IRAK2: variants seen among roughly 807,000 people sequenced by gnomAD.
IRAK2 encodes the protein interleukin 1 receptor associated kinase 2.
Under a neutral mutation model 72.0 loss-of-function variants are expected in IRAK2, and 57 were observed. The ratio of observed to expected loss-of-function variants is 0.79; its 90% confidence interval spans 0.64 to 0.99. The LOEUF is 0.99. Ranked by LOEUF, IRAK2 falls within the 50% of genes least tolerant of loss-of-function variation. IRAK2 has a pLI of 0.00. For synonymous variants in IRAK2, 293 were observed against 312.7 expected, an observed-to-expected ratio of 0.94 and a Z score of 0.67; for missense variants, 790 against 794.4, an observed-to-expected ratio of 0.99 and a Z score of 0.07.
chr3:10,239,789 A>G (rs906310289), intron 12 of IRAK2, among the ~76,000 whole-genome samples: 2 of 152,092 alleles, frequency 1.3e-5, no homozygotes, highest in Non-Finnish European at 2.9e-5. Context: ...TCAAGGCCCC[A>G]TGTGGTCTGT....
intron 10 of IRAK2, among the ~76,000 whole-genome samples, chr3:10,230,903 C>A (rs947873339): frequency 6.6e-6 from 1 of 152,070 alleles, no homozygotes; most frequent in East Asian, 1.9e-4. Flanking sequence ...CAGGCATGGA[C>A]CAACATGCCC....
chr3:10,180,098 C>T (rs1458205158), intron 2 of IRAK2, among the ~76,000 whole-genome samples: 3 of 152,102 alleles, frequency 2.0e-5, no homozygotes, highest in Non-Finnish European at 4.4e-5. Flanking sequence ...ACCTCCCTAC[C>T]CTGAAGGGTG....
Position 10,200,386 on chromosome 3 carries a change from A to G in IRAK2, c.295A>G (p.Ile99Val), listed in dbSNP as rs55898544. 5,743 of 1,589,746 alleles carry G rather than the reference A, an allele frequency of 3.6e-3. 127 individuals are homozygous for G. In the South Asian group the frequency reaches 0.037, roughly 10 times the overall value. ...GTTTTCAGGGAAACCGGCTCCTGAA[A>G]TCAGGTGTCCCATTCCAGCCTTCCC... ...IILNWKPAPEIRCPIPAFPDS... is the reference protein window; with the variant it reads ...IILNWKPAPEVRCPIPAFPDS... The change falls in exon 3 of 13, where the codon ATC becomes GTC. Residue 99 changes from isoleucine to valine, a missense_variant. Coordinates refer to ENST00000256458, the MANE Select transcript of IRAK2 (RefSeq NM_001570.4).
At chr3:10,207,835 A>G (rs1697454778) in intron 3 of IRAK2, among the ~76,000 whole-genome samples, 1 of 152,054 alleles carries the variant, frequency 6.6e-6, no homozygotes, top group Admixed American at 6.6e-5. Context: ...TCTAATAAAA[A>G]TACAAAAATT....
At chr3:10,209,392 G>T (rs1047656052) in intron 3 of IRAK2, among the ~76,000 whole-genome samples, 197 bp from the exon 4 acceptor site, 6 of 152,210 alleles carry the variant, frequency 3.9e-5, no homozygotes, top group Non-Finnish European at 4.4e-5. Context: ...CAGGCCCCAG[G>T]TTGTAGGGGA....
chr3:10,201,231 GAA>G (rs1328463661), intron 3 of IRAK2, among the ~76,000 whole-genome samples: 1 of 152,214 alleles, frequency 6.6e-6, no homozygotes, highest in African/African-American at 2.4e-5. Context: ...TCATGGATGA[GAA>G]AACTAAAGCA....
At chr3:10,166,140 C>CT (rs1410013538) in intron 1 of IRAK2, among the ~76,000 whole-genome samples, 3 of 152,180 alleles carry the variant, frequency 2.0e-5, no homozygotes, top group Non-Finnish European at 4.4e-5. Flanking sequence ...ATTAAATGTA[C>CT]TTTACCATTA....
At chr3:10,171,601 A>T (rs1160885639) in intron 1 of IRAK2, among the ~76,000 whole-genome samples, 1 of 152,120 alleles carries the variant, frequency 6.6e-6, no homozygotes, top group African/African-American at 2.4e-5. Context: ...CATCAGGGAT[A>T]AAAACATTTT....
At chr3:10,196,777 G>C (rs148852938) in intron 2 of IRAK2, among the ~76,000 whole-genome samples, 24 of 152,268 alleles carry the variant, frequency 1.6e-4, no homozygotes, top group Non-Finnish European at 1.9e-4. Flanking sequence ...GAGATCTCCA[G>C]GGTTGTGGGG....
chr3:10,218,288 GT>G (rs1697635782), intron 7 of IRAK2, among the ~76,000 whole-genome samples: 1 of 152,108 alleles, frequency 6.6e-6, no homozygotes, highest in African/African-American at 2.4e-5. Flanking sequence ...GCCAGGCGTG[GT>G]GGCGTGTGCC....
intron 10 of IRAK2, among the ~76,000 whole-genome samples, chr3:10,229,463 C>T (rs1044113750): frequency 6.6e-6 from 1 of 152,206 alleles, no homozygotes; most frequent in Non-Finnish European, 1.5e-5. Context: ...CCACCACAAT[C>T]AAGATACGGA....
chr3:10,196,335 G>C (rs892698776), intron 2 of IRAK2, among the ~76,000 whole-genome samples: 23 of 152,218 alleles, frequency 1.5e-4, no homozygotes, highest in Admixed American at 1.2e-3. Context: ...GGCTGGTCCA[G>C]AACTCCTGAC....
intron 7 of IRAK2, among the ~76,000 whole-genome samples, chr3:10,218,291 G>A (rs192572968): frequency 1.3e-5 from 2 of 152,224 alleles, no homozygotes; most frequent in East Asian, 1.9e-4. Flanking sequence ...AGGCGTGGTG[G>A]CGTGTGCCTG....
chr3:10,211,968 T>C (rs1575976521), intron 4 of IRAK2, among the ~76,000 whole-genome samples: 1 of 151,304 alleles, frequency 6.6e-6, no homozygotes, highest in African/African-American at 2.4e-5. Flanking sequence ...TAGTCCCAGC[T>C]GCTCGGGAGA....
chr3:10,174,655 G>T (rs1225353563), intron 1 of IRAK2, among the ~76,000 whole-genome samples: 1 of 151,984 alleles, frequency 6.6e-6, no homozygotes, highest in Non-Finnish European at 1.5e-5. Context: ...CTTCCACGTA[G>T]CTGGGACTAC....
Position 10,242,500 on chromosome 3 carries a change from C to G in IRAK2, c.*272C>G. On this transcript the variant is annotated 3_prime_UTR_variant, in exon 13 of 13. Coordinates refer to ENST00000256458, the MANE Select transcript of IRAK2 (RefSeq NM_001570.4). ...AGGAGACTGAAGCAGAAACCCTGCA[C>G]ACGGGCCCAGGATGTGGCTGATTTT... is the stretch of plus-strand genomic sequence containing the variant. The G allele has an allele frequency of 4.4e-6, 1 of 226,052 alleles. No homozygotes were observed. The highest frequency in any genetic ancestry group is 8.7e-6 in the Non-Finnish European group (1 of 115,536). The allele number at this position is 226,052 out of a possible 1,614,324, so 14.0% of individuals were successfully genotyped here. A position where few individuals can be genotyped will look rare whatever the true frequency, so the allele number is the denominator to read the frequency against.
intron 2 of IRAK2, among the ~76,000 whole-genome samples, chr3:10,187,986 C>T (rs1004197224): frequency 1.3e-5 from 2 of 152,152 alleles, no homozygotes; most frequent in African/African-American, 2.4e-5. Context: ...AGGGATTTTT[C>T]CAGATGACCA....
chr3:10,200,673 G>A (rs1697345131), intron 3 of IRAK2, among the ~76,000 whole-genome samples, 158 bp downstream of exon 3: 2 of 152,246 alleles, frequency 1.3e-5, no homozygotes, highest in South Asian at 4.1e-4. Context: ...GAGGCGGGAG[G>A]ATGGCTTGAG....
At chr3:10,185,355 C>T (rs1435917406) in intron 2 of IRAK2, among the ~76,000 whole-genome samples, 1 of 149,838 alleles carries the variant, frequency 6.7e-6, no homozygotes, top group Non-Finnish European at 1.5e-5. Context: ...GTCGGGAGTT[C>T]GGGACCAGCC....
Sources: gnomAD v4.1 joint callset for allele counts (sites outside exome capture counted in the v4.1 genomes callset) on GRCh38, gnomAD v4.1.1 for gene constraint, MANE v1.5 for transcripts, NCBI Gene and HGNC (gene_info 2026-07-23, HGNC 2026-07-21) for gene names.